OSTF1: variants seen among roughly 807,000 people sequenced by gnomAD.
The protein encoded by OSTF1 is osteoclast stimulating factor 1, also known as osteoclast-stimulating factor 1.
In OSTF1, 27 loss-of-function variants were observed where a neutral mutation model predicts 37.2. The observed-to-expected ratio is 0.73, with a 90% CI of 0.54 to 1.00. The LOEUF is 1.00. Among genes scored for constraint, OSTF1 ranks in the 50% least tolerant of loss-of-function variants. The probability of loss-of-function intolerance (pLI) is 0.00; values close to 1 mark genes in which losing one functional copy is unlikely to be tolerated. For synonymous variants in OSTF1, 82 were observed against 89.2 expected (o/e 0.92, Z 0.46); for missense variants, 232 against 253.8 (o/e 0.91, Z 0.58).
chr9:75,117,917 C>A (rs1240445605), intron 2 of OSTF1, among the ~76,000 whole-genome samples: 1 of 152,180 alleles, frequency 6.6e-6, no homozygotes, highest in Admixed American at 6.5e-5. Context: ...ATAATGATAC[C>A]TACTGCTAAC....
At position 75,122,135 on chromosome 9, in the gene OSTF1, C is replaced by T. The variant is rs796665288; in HGVS notation, c.81+4585C>T. 1.5e-4 allele frequency among the ~76,000 whole-genome samples: 23 copies of T among 152,234 alleles called. No individual in the cohort carries two copies. In the South Asian group the frequency reaches 4.2e-3, roughly 27 times the overall value. ...CACGGACCTGGCTGGACTGAATTGA[C>T]GAGTGTCAAGACAGACTGATGAGGA... On this transcript the variant is annotated intron_variant, in intron 2 of 9. Coordinates refer to ENST00000346234, the MANE Select transcript of OSTF1 (RefSeq NM_012383.5).
chr9:75,118,960 T>C (rs901248440), intron 2 of OSTF1, among the ~76,000 whole-genome samples: 3 of 152,158 alleles, frequency 2.0e-5, no homozygotes, highest in African/African-American at 2.4e-5. Flanking sequence ...TCATATATGC[T>C]AGGGACCAGA....
Position 75,133,341 on chromosome 9 carries a change from A to G in OSTF1, c.298A>G (p.Asn100Asp), listed in dbSNP as rs1255978238. ...RECLDNRVGV[N>D]GLDKAGSTAL... ...GTGTTTGGACAACAGAGTGGGTGTT[A>G]ATGGCTTAGACAAAGCTGGAAGCAC... The change falls in exon 6 of 10, where the codon AAT becomes GAT. Residue 100 changes from asparagine (N) to aspartate (D), a missense_variant. Coordinates refer to ENST00000346234, the MANE Select transcript of OSTF1 (RefSeq NM_012383.5). The G allele has an allele frequency of 6.2e-7, 1 of 1,613,282 alleles. No individual in the cohort carries two copies. Among genetic ancestry groups the G allele is most frequent in the East Asian group, 2.2e-5 (1 of 44,868 alleles).
At chr9:75,095,068 C>G (rs1193735866) in intron 1 of OSTF1, among the ~76,000 whole-genome samples, 1 of 152,214 alleles carries the variant, frequency 6.6e-6, no homozygotes, top group Non-Finnish European at 1.5e-5. Context: ...ATATTAGAAC[C>G]AGGAGAACTT....
chr9:75,106,646 GA>G (rs555955744), intron 1 of OSTF1, among the ~76,000 whole-genome samples: 3,788 of 72,210 alleles, frequency 0.052, 203 homozygotes, highest in African/African-American at 0.17. Context: ...ATTCCATCTC[GA>G]AAAAAAAAAA....
chr9:75,107,701 A>T (rs1380107279), intron 1 of OSTF1, among the ~76,000 whole-genome samples: 1 of 152,200 alleles, frequency 6.6e-6, no homozygotes, highest in African/African-American at 2.4e-5. Flanking sequence ...AGAACATAAA[A>T]ATACACACAT....
chr9:75,110,069 C>T (rs1825357758), intron 1 of OSTF1, among the ~76,000 whole-genome samples: 1 of 152,198 alleles, frequency 6.6e-6, no homozygotes, highest in Admixed American at 6.5e-5. Context: ...GATGAATCTT[C>T]ATTGATGCAT....
intron 2 of OSTF1, among the ~76,000 whole-genome samples, chr9:75,122,958 A>T (rs1230309664): frequency 2.0e-5 from 3 of 152,236 alleles, no homozygotes; most frequent in African/African-American, 7.2e-5. Flanking sequence ...ATATTTGCAT[A>T]AACCAACAAA....
intron 1 of OSTF1, among the ~76,000 whole-genome samples, chr9:75,106,884 G>A (rs536297454): frequency 9.9e-5 from 15 of 151,194 alleles, no homozygotes; most frequent in Middle Eastern, 3.4e-3. Flanking sequence ...AACCTGGGAC[G>A]CGGAGGTTGC....
intron 1 of OSTF1, among the ~76,000 whole-genome samples, chr9:75,108,268 GA>G (rs960838249): frequency 3.5e-5 from 5 of 142,264 alleles, no homozygotes; most frequent in Non-Finnish European, 7.8e-5. Context: ...AAAGAAAAAA[GA>G]AAAAGAAAAA....
chr9:75,100,430 T>C lies in OSTF1; in HGVS notation c.34+11704T>C, dbSNP rs188037937. Among the ~76,000 whole-genome samples the C allele has an allele frequency of 2.7e-4, 41 of 152,262 alleles. No individual in the cohort carries two copies. The East Asian group carries it at 7.7e-3, about 29-fold the overall frequency. ...TCCATCAGTGAAAAAGAGTTTTTTT[T>C]TTTAAAAAAGTCTCTGAGGCCAGGC... On this transcript the variant is annotated intron_variant, in intron 1 of 9. Coordinates refer to ENST00000346234, the MANE Select transcript of OSTF1 (RefSeq NM_012383.5).
chr9:75,132,867 A>G (rs897756130), intron 5 of OSTF1, among the ~76,000 whole-genome samples: 27 of 152,140 alleles, frequency 1.8e-4, no homozygotes, highest in Non-Finnish European at 3.7e-4. Flanking sequence ...GATGCATTTT[A>G]AATATGAATA....
intron 1 of OSTF1, among the ~76,000 whole-genome samples, chr9:75,112,072 C>G (rs1348084023): frequency 6.6e-6 from 1 of 150,880 alleles, no homozygotes; most frequent in Non-Finnish European, 1.5e-5. Flanking sequence ...ATCTGCCCAC[C>G]TCAGCCTGGC....
At chr9:75,121,576 G>A (rs1370034437) in intron 2 of OSTF1, among the ~76,000 whole-genome samples, 1 of 152,194 alleles carries the variant, frequency 6.6e-6, no homozygotes, top group Non-Finnish European at 1.5e-5. Context: ...ATCTGGTACA[G>A]CAGGTAGCCT....
At chr9:75,104,341 T>TCAAGACCAGCCTGGGTAACAG (rs1825248501) in intron 1 of OSTF1, among the ~76,000 whole-genome samples, 1 of 152,212 alleles carries the variant, frequency 6.6e-6, no homozygotes, top group East Asian at 1.9e-4. Context: ...AGCTAGGAGC[T>TCAAGACCAGCCTGGGTAACAG]CAAGACCAGC....
chr9:75,114,367 C>T (rs1367622245), intron 1 of OSTF1, among the ~76,000 whole-genome samples: 2 of 152,076 alleles, frequency 1.3e-5, no homozygotes, highest in Non-Finnish European at 2.9e-5. Flanking sequence ...AAACCTGCAA[C>T]ATGAGGGAAA....
intron 2 of OSTF1, among the ~76,000 whole-genome samples, chr9:75,118,454 G>A (rs1042858360): frequency 3.3e-5 from 5 of 152,154 alleles, no homozygotes; most frequent in African/African-American, 9.7e-5. Flanking sequence ...ATCTCATTTG[G>A]ATTTTGCTCT....
At chr9:75,140,090 A>G (rs1436395061) in intron 8 of OSTF1, among the ~76,000 whole-genome samples, 1 of 152,234 alleles carries the variant, frequency 6.6e-6, no homozygotes, top group African/African-American at 2.4e-5. Context: ...ACCATTAGAC[A>G]TTAAAGTTTT....
chr9:75,095,703 GTT>G (rs1825068948), intron 1 of OSTF1, among the ~76,000 whole-genome samples: 1 of 152,126 alleles, frequency 6.6e-6, no homozygotes, highest in Non-Finnish European at 1.5e-5. Flanking sequence ...CAGTGTAACA[GTT>G]TGTGAAAAAT....
Sources: gnomAD v4.1 joint callset for allele counts (sites outside exome capture counted in the v4.1 genomes callset) on GRCh38, gnomAD v4.1.1 for gene constraint, MANE v1.5 for transcripts, NCBI Gene and HGNC (gene_info 2026-07-23, HGNC 2026-07-21) for gene names.